The following ZMIZ1 variants were observed in gnomAD, a reference collection of about 807,000 sequenced individuals.
ZMIZ1 encodes the protein zinc finger MIZ-type containing 1.
ZMIZ1 carries 17 observed loss-of-function variants against 113.9 expected under a neutral mutation model. That is an observed-to-expected ratio of 0.15 (90% CI 0.10 to 0.22). The LOEUF (loss-of-function observed/expected upper bound fraction) is 0.22, where lower values mean the gene tolerates loss of function less well. Among genes scored for constraint, ZMIZ1 ranks in the 10% least tolerant of loss-of-function variants. ZMIZ1 has a pLI of 1.00. For synonymous variants in ZMIZ1, 607 were observed against 603.1 expected, an observed-to-expected ratio of 1.01 and a Z score of -0.09; for missense variants, 1,059 against 1,477.8, an observed-to-expected ratio of 0.72 and a Z score of 4.65.
At chr10:79,270,788 A>G (rs1300540249) in intron 7 of ZMIZ1, among the ~76,000 whole-genome samples, 3 of 152,062 alleles carry the variant, frequency 2.0e-5, no homozygotes, top group Non-Finnish European at 4.4e-5. Flanking sequence ...TTATCTACTA[A>G]AAGCCAGGGC....
rs549660942 is a variant in ZMIZ1, at chr10:79,284,983, A to G, written c.426-4792A>G. Among the ~76,000 whole-genome samples the G allele has an allele frequency of 2.0e-5, 3 of 152,198 alleles. No homozygotes were observed. The South Asian group carries it at 6.2e-4, about 32-fold the overall frequency. On this transcript the variant is annotated intron_variant, in intron 8 of 24. Coordinates refer to ENST00000334512, the MANE Select transcript of ZMIZ1 (RefSeq NM_020338.4). The stretch of plus-strand genomic sequence containing the variant: ...TACATTTCCCCTGTCCCTTCGTGCT[A>G]GGCGACTTCCCCAAGAACCCCCAGG...
intron 6 of ZMIZ1, among the ~76,000 whole-genome samples, chr10:79,210,793 T>C (rs993101792): frequency 3.3e-5 from 5 of 152,152 alleles, no homozygotes; most frequent in Admixed American, 3.3e-4. Context: ...AGGAGAGTGA[T>C]GGGCTATGAT....
At chr10:79,103,461 T>A (rs1843442057) in intron 1 of ZMIZ1, among the ~76,000 whole-genome samples, 1 of 148,282 alleles carries the variant, frequency 6.7e-6, no homozygotes, top group Non-Finnish European at 1.5e-5. Flanking sequence ...AAATGGCAGA[T>A]GGCTTGGTTG....
intron 24 of ZMIZ1, 21 bp downstream of exon 24, chr10:79,311,205 G>A (rs761772222): frequency 1.1e-5 from 18 of 1,595,628 alleles, no homozygotes; most frequent in Admixed American, 3.4e-5. Flanking sequence ...GTCGCCACTC[G>A]CCTTGGCCTG....
At chr10:79,089,423 G>T (rs1033300137) in intron 1 of ZMIZ1, among the ~76,000 whole-genome samples, 2 of 152,228 alleles carry the variant, frequency 1.3e-5, no homozygotes, top group African/African-American at 4.8e-5. Flanking sequence ...AGGGTGTTTT[G>T]TGCCTTCTCC....
intron 7 of ZMIZ1, among the ~76,000 whole-genome samples, chr10:79,257,043 T>C (rs4980053): frequency 0.023 from 3,515 of 152,324 alleles, 137 homozygotes; most frequent in East Asian, 0.16. Flanking sequence ...TGAGACAGAC[T>C]GGGGTCTCAC....
At position 79,175,583 on chromosome 10, in the gene ZMIZ1, C is replaced by CGTGTGTGTGTGTGT. The variant is rs757004699; in HGVS notation, c.-50+13484_-50+13497dup. 6.3e-4 allele frequency among the ~76,000 whole-genome samples: 79 copies of CGTGTGTGTGTGTGT among 125,374 alleles called. 1 individual carries two copies. Among genetic ancestry groups the CGTGTGTGTGTGTGT allele is most frequent in the Middle Eastern group, 4.0e-3 (1 of 252 alleles). The allele number at this position is 125,374 out of a possible 152,430, so 82.3% of individuals were successfully genotyped here. On this transcript the variant is annotated intron_variant, in intron 4 of 24. Coordinates refer to ENST00000334512, the MANE Select transcript of ZMIZ1 (RefSeq NM_020338.4). ...GGACTTCTCTAATCTGTGCACTCTG[C>CGTGTGTGTGTGTGT]GTGTGTGTGTGTGTGTGTGTGTGTG... is the stretch of plus-strand genomic sequence containing the variant.
At chr10:79,180,927 C>A (rs1261418866) in intron 4 of ZMIZ1, among the ~76,000 whole-genome samples, 1 of 152,238 alleles carries the variant, frequency 6.6e-6, no homozygotes, top group Non-Finnish European at 1.5e-5. Context: ...CTAGAATGCC[C>A]TCCCGCCATG....
chr10:79,178,669 C>T (rs1032028170), intron 4 of ZMIZ1, among the ~76,000 whole-genome samples: 3 of 152,220 alleles, frequency 2.0e-5, no homozygotes, highest in South Asian at 2.1e-4. Flanking sequence ...TTCTCCACAG[C>T]GGCATCCCTG....
intron 4 of ZMIZ1, among the ~76,000 whole-genome samples, chr10:79,192,871 T>C (rs912301967): frequency 6.6e-6 from 1 of 152,176 alleles, no homozygotes; most frequent in African/African-American, 2.4e-5. Flanking sequence ...CCAGTTGTCC[T>C]GCTAAGAGCT....
chr10:79,070,150 G>GT (rs1022048272), intron 1 of ZMIZ1, among the ~76,000 whole-genome samples: 2 of 151,848 alleles, frequency 1.3e-5, no homozygotes, highest in African/African-American at 4.8e-5. Flanking sequence ...CGGGGTCGGG[G>GT]GGGGGAGGCG....
chr10:79,180,045 G>C (rs1466006917), intron 4 of ZMIZ1, among the ~76,000 whole-genome samples: 1 of 152,206 alleles, frequency 6.6e-6, no homozygotes, highest in African/African-American at 2.4e-5. Context: ...CTTCCTGCAG[G>C]GTGCCGAGGG....
At chr10:79,093,469 G>T (rs1843061190) in intron 1 of ZMIZ1, among the ~76,000 whole-genome samples, 1 of 151,974 alleles carries the variant, frequency 6.6e-6, no homozygotes, top group Admixed American at 6.6e-5. Context: ...TGGGATTACA[G>T]GCGCCTGCCA....
chr10:79,179,816 G>A (rs749926590), intron 4 of ZMIZ1, among the ~76,000 whole-genome samples: 1 of 152,394 alleles, frequency 6.6e-6, no homozygotes, highest in Admixed American at 6.5e-5. Context: ...CCACAAGGGG[G>A]CAGAGGAGGG....
chr10:79,133,619 TA>T (rs1844866667), intron 2 of ZMIZ1, among the ~76,000 whole-genome samples: 1 of 152,072 alleles, frequency 6.6e-6, no homozygotes, highest in Non-Finnish European at 1.5e-5. Context: ...TGGCCTGAAA[TA>T]GACACATGGG....
intron 6 of ZMIZ1, 22 bp downstream of exon 6, chr10:79,208,471 C>T: frequency 6.3e-7 from 1 of 1,598,006 alleles, no homozygotes; most frequent in Non-Finnish European, 8.5e-7. Flanking sequence ...CCCTGTCCGC[C>T]TGCATTCCTG....
intron 1 of ZMIZ1, among the ~76,000 whole-genome samples, chr10:79,075,030 G>A (rs1842422649): frequency 6.6e-6 from 1 of 152,236 alleles, no homozygotes; most frequent in Non-Finnish European, 1.5e-5. Context: ...GGCTGTAATT[G>A]TAACCACTTG....
At chr10:79,114,317 C>T (rs934663937) in intron 1 of ZMIZ1, among the ~76,000 whole-genome samples, 2 of 152,194 alleles carry the variant, frequency 1.3e-5, no homozygotes, top group Non-Finnish European at 2.9e-5. Context: ...GCACCCATTT[C>T]GCCGTCTCCG....
At position 79,313,865 on chromosome 10, in the gene ZMIZ1, G is replaced by A. The variant is rs866225860; in HGVS notation, c.*1116G>A. On this transcript the variant is annotated 3_prime_UTR_variant, in exon 25 of 25. Coordinates refer to ENST00000334512, the MANE Select transcript of ZMIZ1 (RefSeq NM_020338.4). ...TCCAATCAGATGGCAAGGGCAGTGCGTGGAAAGGCCGGGGAGGTGCAGAAA... is the reference window on the plus strand; with the variant it reads ...TCCAATCAGATGGCAAGGGCAGTGCATGGAAAGGCCGGGGAGGTGCAGAAA... The A allele has an allele frequency of 3.9e-5, 14 of 362,766 alleles. No homozygotes were observed. The highest frequency in any genetic ancestry group is 1.5e-4 in the African/African-American group (7 of 46,960). 22.5% of individuals were successfully genotyped at this position (362,766 alleles called of 1,614,324 possible).
Sources: allele counts gnomAD v4.1 joint callset (sites outside exome capture counted in the v4.1 genomes callset), GRCh38; gene constraint gnomAD v4.1.1; transcripts MANE v1.5; gene names NCBI Gene and HGNC (gene_info 2026-07-23, HGNC 2026-07-21).